Variants in ARHGAP15 observed in about 807,000 individuals in gnomAD.
ARHGAP15 encodes the protein rho GTPase-activating protein 15.
A neutral mutation model predicts 63.7 loss-of-function variants in ARHGAP15; 51 were observed. The ratio of observed to expected loss-of-function variants is 0.80; its 90% CI spans 0.64 to 1.01. ARHGAP15 has a LOEUF of 1.01. Among genes scored for constraint, ARHGAP15 ranks in the 50% least tolerant of loss-of-function variants. The pLI, the probability that ARHGAP15 is intolerant of heterozygous loss-of-function variation, is 0.00. For missense variants in ARHGAP15, 560 were observed against 564.6 expected, an observed-to-expected ratio of 0.99 and a Z score of 0.08; for synonymous variants, 191 against 193.8, an observed-to-expected ratio of 0.99 and a Z score of 0.12.
chr2:143,456,908 A>T (rs1051802836), intron 8 of ARHGAP15, among the ~76,000 whole-genome samples: 7 of 151,960 alleles, frequency 4.6e-5, no homozygotes, highest in African/African-American at 1.4e-4. Flanking sequence ...GGGCATATTG[A>T]CAGATGGAAA....
Position 143,211,250 on chromosome 2 carries a change from A to G in ARHGAP15, c.235-5134A>G, listed in dbSNP as rs559150868. Reference sequence around the variant, plus strand: ...CAAAGAGAAAGAGTGCAACCTAAAAACAAAGGCAAAATAAATAAATAAATA... The same window carrying G: ...CAAAGAGAAAGAGTGCAACCTAAAAGCAAAGGCAAAATAAATAAATAAATA... On this transcript the variant is annotated intron_variant, in intron 3 of 13. Coordinates refer to ENST00000295095, the MANE Select transcript of ARHGAP15 (RefSeq NM_018460.4). 2.0e-5 allele frequency among the ~76,000 whole-genome samples: 3 copies of G among 151,848 alleles called. No homozygotes were observed. The South Asian group carries it at 6.2e-4, about 32-fold the overall frequency.
intron 8 of ARHGAP15, among the ~76,000 whole-genome samples, chr2:143,474,255 A>C (rs935268561): frequency 2.2e-4 from 34 of 152,202 alleles, no homozygotes; most frequent in Non-Finnish European, 4.3e-4. Context: ...AATGGATAAA[A>C]GCAAAACACT....
intron 6 of ARHGAP15, among the ~76,000 whole-genome samples, chr2:143,316,714 G>A (rs1683737703): frequency 6.6e-6 from 1 of 151,132 alleles, no homozygotes; most frequent in Admixed American, 6.6e-5. Flanking sequence ...GATCAATTCT[G>A]TCTCCAAATA....
intron 2 of ARHGAP15, among the ~76,000 whole-genome samples, chr2:143,184,888 G>T (rs1188868368): frequency 6.7e-6 from 1 of 149,732 alleles, no homozygotes; most frequent in Non-Finnish European, 1.5e-5. Context: ...TCACTATGTG[G>T]CTCAGACTGG....
At chr2:143,309,811 C>A (rs1683352729) in intron 6 of ARHGAP15, among the ~76,000 whole-genome samples, 1 of 151,252 alleles carries the variant, frequency 6.6e-6, no homozygotes, top group Non-Finnish European at 1.5e-5. Context: ...TTGTAACAAC[C>A]AAAAATATCT....
At chr2:143,186,842 T>C (rs1691468133) in intron 2 of ARHGAP15, among the ~76,000 whole-genome samples, 1 of 152,220 alleles carries the variant, frequency 6.6e-6, no homozygotes, top group Non-Finnish European at 1.5e-5. Context: ...GGGTTCAGAA[T>C]TGGACTCCCT....
At chr2:143,216,236 A>T (rs1443414523) in intron 3 of ARHGAP15, 148 bp from the exon 4 acceptor site, 1 of 539,018 alleles carries the variant, frequency 1.9e-6, no homozygotes, top group Non-Finnish European at 3.3e-6. Flanking sequence ...TTTTGCAGGC[A>T]CTTCCCATAA....
intron 8 of ARHGAP15, among the ~76,000 whole-genome samples, chr2:143,471,518 A>G (rs1314506242): frequency 6.6e-6 from 1 of 152,180 alleles, no homozygotes; most frequent in Admixed American, 6.5e-5. Context: ...AGTAAAAACA[A>G]AAACAAAAAC....
At chr2:143,509,348 A>G (rs1365580509) in intron 9 of ARHGAP15, among the ~76,000 whole-genome samples, 1 of 150,908 alleles carries the variant, frequency 6.6e-6, no homozygotes, top group Non-Finnish European at 1.5e-5. Context: ...AAAAAAAAAT[A>G]AGTAAACAAG....
chr2:143,287,534 G>A (rs917796958), intron 6 of ARHGAP15, among the ~76,000 whole-genome samples: 18 of 151,984 alleles, frequency 1.2e-4, no homozygotes, highest in African/African-American at 3.6e-4. Context: ...GTCCCAGCGC[G>A]GTACCTCACG....
rs1457255440 is a variant in ARHGAP15 at position 143,449,936 on chromosome 2, A to G, written c.703+12894A>G. On this transcript the variant is annotated intron_variant, in intron 8 of 13. Transcript: ENST00000295095. ...GTCCAGTCTTTTAAAAATGTTTTGG[A>G]CAGTAATGAGACAGGTCTGAAAGAG... is the stretch of plus-strand genomic sequence containing the variant. Among the ~76,000 whole-genome samples the G allele has an allele frequency of 1.3e-5, 2 of 151,966 alleles. 1 individual carries two copies. Among genetic ancestry groups the G allele is most frequent in the South Asian group, 4.1e-4 (2 of 4,832 alleles).
At chr2:143,215,143 A>T (rs1407222026) in intron 3 of ARHGAP15, among the ~76,000 whole-genome samples, 5 of 152,222 alleles carry the variant, frequency 3.3e-5, no homozygotes, top group African/African-American at 1.2e-4. Flanking sequence ...TTACAACATG[A>T]TCTGATATGT....
chr2:143,431,983 A>G (rs1689409168), intron 6 of ARHGAP15, among the ~76,000 whole-genome samples: 1 of 151,978 alleles, frequency 6.6e-6, no homozygotes, highest in African/African-American at 2.4e-5. Flanking sequence ...AGCTGGTAAT[A>G]TTTTACCATC....
chr2:143,605,281 G>A (rs572074598), intron 11 of ARHGAP15, among the ~76,000 whole-genome samples: 12 of 152,268 alleles, frequency 7.9e-5, no homozygotes, highest in Non-Finnish European at 1.6e-4. Context: ...TAAGTGATAA[G>A]ATTCAGGACT....
chr2:143,569,509 G>C (rs114912817), intron 11 of ARHGAP15, among the ~76,000 whole-genome samples: 78 of 152,214 alleles, frequency 5.1e-4, no homozygotes, highest in African/African-American at 1.7e-3. Context: ...GGAGAGATGT[G>C]GGGGGAGTGC....
At chr2:143,669,630 G>A (rs1350421724) in intron 12 of ARHGAP15, among the ~76,000 whole-genome samples, 1 of 152,174 alleles carries the variant, frequency 6.6e-6, no homozygotes, top group Non-Finnish European at 1.5e-5. Context: ...AATGCTGGAA[G>A]GGGCAAGGCA....
At chr2:143,484,329 G>A (rs1692213668) in intron 8 of ARHGAP15, among the ~76,000 whole-genome samples, 1 of 144,706 alleles carries the variant, frequency 6.9e-6, no homozygotes, top group Admixed American at 7.3e-5. Context: ...TCGCACCACT[G>A]CACTCCAGCG....
At chr2:143,447,540 G>C (rs1040472517) in intron 8 of ARHGAP15, among the ~76,000 whole-genome samples, 2 of 152,078 alleles carry the variant, frequency 1.3e-5, no homozygotes, top group African/African-American at 4.8e-5. Flanking sequence ...AGTAATCCTA[G>C]CTGACCTAGC....
At chr2:143,482,721 C>T (rs191362780) in intron 8 of ARHGAP15, among the ~76,000 whole-genome samples, 4 of 152,294 alleles carry the variant, frequency 2.6e-5, no homozygotes, top group East Asian at 1.9e-4. Flanking sequence ...AAGACTTTTA[C>T]GGCTGTTTAC....
Sources: gnomAD v4.1 joint callset for allele counts (sites outside exome capture counted in the v4.1 genomes callset) on GRCh38, gnomAD v4.1.1 for gene constraint, MANE v1.5 for transcripts, NCBI Gene and HGNC (gene_info 2026-07-23, HGNC 2026-07-21) for gene names.